MROH9: variants seen among roughly 807,000 people sequenced by gnomAD.
MROH9 encodes maestro heat like repeat family member 9.
MROH9 carries 92 observed loss-of-function variants against 98.2 expected under a neutral mutation model. The ratio of observed to expected loss-of-function variants is 0.94; its 90% confidence interval spans 0.79 to 1.11. The LOEUF is 1.11. Ranked by LOEUF, MROH9 falls within the 50% of genes most tolerant of loss-of-function variation. The probability of loss-of-function intolerance (pLI) is 0.00; values close to 1 mark genes in which losing one functional copy is unlikely to be tolerated. For missense variants in MROH9, 1,057 were observed against 1,014.8 expected (o/e 1.04, Z -0.57); for synonymous variants, 397 against 368.9 (o/e 1.08, Z -0.87).
intron 9 of MROH9, among the ~76,000 whole-genome samples, chr1:170,984,763 T>G (rs1651065532): frequency 6.6e-6 from 1 of 152,204 alleles, no homozygotes; most frequent in Non-Finnish European, 1.5e-5. Context: ...CATGACCTGT[T>G]ATTCATTTCC....
intron 8 of MROH9, among the ~76,000 whole-genome samples, chr1:170,981,283 T>A (rs1650919550): frequency 6.6e-6 from 1 of 152,190 alleles, no homozygotes; most frequent in Non-Finnish European, 1.5e-5. Context: ...GGAATATAGA[T>A]CATTCTACTA....
At position 170,947,591 on chromosome 1, in the gene MROH9, A is replaced by G. The variant is rs764779420; in HGVS notation, c.72+18A>G. On this transcript the variant is annotated intron_variant, in intron 3 of 21. Coordinates refer to ENST00000367759, the MANE Select transcript of MROH9 (RefSeq NM_001163629.2). Reference sequence around the variant, plus strand: ...ACCACATGGTAAGTGATATTCTATAAGGATATCAACGTAACTGAATTCTCT... The same window carrying G: ...ACCACATGGTAAGTGATATTCTATAGGGATATCAACGTAACTGAATTCTCT... The G allele has an allele frequency of 2.5e-6, 4 of 1,600,448 alleles. No individual in the cohort carries two copies. Among genetic ancestry groups the G allele is most frequent in the Non-Finnish European group, 3.4e-6 (4 of 1,169,346 alleles).
rs1651286215 is a variant in MROH9, at chr1:170,989,902, T to C, written c.927T>C (p.Asn309=). The change falls in exon 11 of 22, where the codon AAT becomes AAC. Residue 309 remains asparagine, a synonymous_variant. Transcript: ENST00000367759. ...TTTACAGGCAACTGTGTGATAACAATTGTATGAAGGATGTTATGTTGCAGG... is the reference window on the plus strand; with the variant it reads ...TTTACAGGCAACTGTGTGATAACAACTGTATGAAGGATGTTATGTTGCAGG... ...DAIYRQLCDN[N]CMKDVMLQVI... is the part of the protein sequence containing the mutation. The C allele has an allele frequency of 1.2e-6, 2 of 1,612,618 alleles. No individual in the cohort carries two copies. Among genetic ancestry groups the C allele is most frequent in the Non-Finnish European group, 1.7e-6 (2 of 1,178,886 alleles).
intron 15 of MROH9, among the ~76,000 whole-genome samples, chr1:171,007,934 A>C (rs567015420): frequency 6.6e-6 from 1 of 152,260 alleles, no homozygotes; most frequent in Admixed American, 6.5e-5. Context: ...ATTGATCTGC[A>C]CTCTCAAAAT....
rs73040229 is a variant in MROH9 at position 171,049,433 on chromosome 1, C to T, written c.2282-12699C>T. 5.6e-3 allele frequency among the ~76,000 whole-genome samples: 851 copies of T among 152,238 alleles called. 10 individuals carry two copies. The highest frequency in any genetic ancestry group is 0.019 in the African/African-American group (807 of 41,542). On this transcript the variant is annotated intron_variant, in intron 20 of 21. Transcript: ENST00000367759. ...CAGTTGTGAAGCACTAAACTCAGTGCTGTCCTGTTAGAGCGGGGAGTAAAA... is the reference window on the plus strand; with the variant it reads ...CAGTTGTGAAGCACTAAACTCAGTGTTGTCCTGTTAGAGCGGGGAGTAAAA...
chr1:171,064,441 C>A lies in MROH9; in HGVS notation c.*101C>A. 1.6e-6 allele frequency: 2 copies of A among 1,219,812 alleles called. No homozygotes were observed. The highest frequency in any genetic ancestry group is 1.5e-5 in the African/African-American group (1 of 64,788). The allele number at this position is 1,219,812 out of a possible 1,614,324, so 75.6% of individuals were successfully genotyped here. ...AGAATGATTTTTCTTTCCCTCCTGA[C>A]AACTTGAGTCTGTTTGTAGATGCTT... On this transcript the variant is annotated 3_prime_UTR_variant, in exon 22 of 22. Coordinates refer to ENST00000367759, the MANE Select transcript of MROH9 (RefSeq NM_001163629.2).
intron 7 of MROH9, among the ~76,000 whole-genome samples, chr1:170,967,853 TC>T (rs1237733080): frequency 6.6e-6 from 1 of 152,172 alleles, no homozygotes; most frequent in Non-Finnish European, 1.5e-5. Context: ...CTAGCTTTGT[TC>T]CTTTGGCACA....
intron 20 of MROH9, among the ~76,000 whole-genome samples, chr1:171,061,229 C>T (rs774032494): frequency 5.3e-5 from 8 of 152,200 alleles, no homozygotes; most frequent in Non-Finnish European, 7.4e-5. Context: ...ATCAATTGTT[C>T]GGAGGACATA....
rs1165939099 is a variant in MROH9, at chr1:170,947,528, G to A, written c.27G>A (p.Lys9=). Reference sequence around the variant, plus strand: ...ACGAATCTCCTTCTTTCTGGCTAGAGAGTAGTCTCCAGATTCTGCAAGACA... The same window carrying A: ...ACGAATCTCCTTCTTTCTGGCTAGAAAGTAGTCTCCAGATTCTGCAAGACA... MLTRNPKT[K]SSLQILQDSV... The change falls in exon 3 of 22, where the codon AAG becomes AAA. Residue 9 remains lysine (K), a splice_region_variant and synonymous_variant. Coordinates refer to ENST00000367759, the MANE Select transcript of MROH9 (RefSeq NM_001163629.2). 3 of 1,610,574 alleles carry A rather than the reference G, an allele frequency of 1.9e-6. No individual in the cohort carries two copies. Among genetic ancestry groups the A allele is most frequent in the African/African-American group, 1.3e-5 (1 of 74,712 alleles).
intron 3 of MROH9, among the ~76,000 whole-genome samples, chr1:170,950,963 T>C (rs954348980): frequency 5.3e-5 from 8 of 152,078 alleles, no homozygotes; most frequent in Admixed American, 4.6e-4. Context: ...TGGTTTTCTT[T>C]GTCTCTAAGC....
intron 2 of MROH9, among the ~76,000 whole-genome samples, chr1:170,946,673 T>A (rs1055844950): frequency 5.9e-5 from 9 of 151,836 alleles, no homozygotes; most frequent in Admixed American, 2.6e-4. Flanking sequence ...GTTATTTTTT[T>A]AAAAAAAGAA....
At chr1:170,964,875 C>G (rs1190362976) in intron 6 of MROH9, among the ~76,000 whole-genome samples, 1 of 152,030 alleles carries the variant, frequency 6.6e-6, no homozygotes, top group African/African-American at 2.4e-5. Flanking sequence ...TCGTACTGAA[C>G]TATTCATGGT....
chr1:170,958,200 C>T (rs901319208), intron 3 of MROH9, among the ~76,000 whole-genome samples: 2 of 152,106 alleles, frequency 1.3e-5, no homozygotes, highest in African/African-American at 2.4e-5. Context: ...AAAGAGCACA[C>T]CTTACAAAGT....
chr1:170,959,670 G>A (rs1649939074), intron 5 of MROH9, 73 bp downstream of exon 5: 2 of 1,424,368 alleles, frequency 1.4e-6, no homozygotes, highest in Admixed American at 2.0e-5. Context: ...ATGTGACTCA[G>A]CAGGTGATAA....
intron 1 of MROH9, among the ~76,000 whole-genome samples, chr1:170,944,891 T>C (rs1472385877): frequency 6.6e-6 from 1 of 152,028 alleles, no homozygotes; most frequent in Non-Finnish European, 1.5e-5. Context: ...ATATGATGTA[T>C]GATGGGAAAT....
intron 20 of MROH9, among the ~76,000 whole-genome samples, chr1:171,039,894 T>C (rs765238277): frequency 6.6e-6 from 1 of 152,114 alleles, no homozygotes; most frequent in Non-Finnish European, 1.5e-5. Flanking sequence ...TATCTTGAGC[T>C]TTACTGCCAG....
intron 20 of MROH9, among the ~76,000 whole-genome samples, chr1:171,035,896 T>C (rs1299168100): frequency 6.6e-6 from 1 of 152,132 alleles, no homozygotes; most frequent in African/African-American, 2.4e-5. Context: ...ATCCTATGAC[T>C]CAGGAATTCT....
In MROH9 at chr1:171,016,236, A is replaced by C; in HGVS notation, c.1808A>C (p.Gln603Pro). ...FLSKDDNVVL[Q>P]ALLTLRRLLN... ...TCCAAAGACGATAATGTTGTACTTC[A>C]GGCCTTGCTCACCCTTAGAAGGCTT... The change falls in exon 17 of 22, where the codon CAG becomes CCG. Residue 603 changes from glutamine (Q) to proline (P), a missense_variant. Physicochemically the swap from Gln to Pro is moderately conservative, Grantham distance 76. Transcript: ENST00000367759. 1 of 1,541,778 alleles carries C rather than the reference A, an allele frequency of 6.5e-7. No homozygotes were observed. Among genetic ancestry groups the C allele is most frequent in the Non-Finnish European group, 8.8e-7 (1 of 1,142,574 alleles).
intron 20 of MROH9, among the ~76,000 whole-genome samples, chr1:171,035,512 A>G (rs1285127411): frequency 3.3e-5 from 5 of 152,020 alleles, no homozygotes; most frequent in Admixed American, 2.6e-4. Flanking sequence ...CACCAAATGG[A>G]AGAAGATATT....
Sources: allele counts gnomAD v4.1 joint callset (sites outside exome capture counted in the v4.1 genomes callset), GRCh38; gene constraint gnomAD v4.1.1; transcripts MANE v1.5; gene names NCBI Gene and HGNC (gene_info 2026-07-23, HGNC 2026-07-21).